Variants in ST8SIA5 observed in about 807,000 individuals in gnomAD.
ST8SIA5 encodes the protein ST8 alpha-N-acetyl-neuraminide alpha-2,8-sialyltransferase 5.
In ST8SIA5, 24 loss-of-function variants were observed where a neutral mutation model predicts 40.2. The ratio of observed to expected loss-of-function variants is 0.60; its 90% CI spans 0.43 to 0.84. The LOEUF (loss-of-function observed/expected upper bound fraction) is 0.84, where lower values mean the gene tolerates loss of function less well. ST8SIA5 is among the 40% of genes least tolerant of loss of function. The pLI, the probability that ST8SIA5 is intolerant of heterozygous loss-of-function variation, is 0.00. For synonymous variants in ST8SIA5, 198 were observed against 201.8 expected, an observed-to-expected ratio of 0.98 and a Z score of 0.16; for missense variants, 465 against 498.5, an observed-to-expected ratio of 0.93 and a Z score of 0.64.
chr18:46,717,882 T>C (rs1219710750), intron 1 of ST8SIA5, among the ~76,000 whole-genome samples: 1 of 152,044 alleles, frequency 6.6e-6, no homozygotes, highest in African/African-American at 2.4e-5. Flanking sequence ...ACCTACTACA[T>C]AACAGGTGCC....
At chr18:46,751,673 G>A (rs1224291753) in intron 1 of ST8SIA5, among the ~76,000 whole-genome samples, 1 of 152,154 alleles carries the variant, frequency 6.6e-6, no homozygotes, top group African/African-American at 2.4e-5. Context: ...GGGATTACAG[G>A]TATGAGCCAC....
At chr18:46,710,371 C>CT (rs1402563544) in intron 1 of ST8SIA5, among the ~76,000 whole-genome samples, 8 of 37,654 alleles carry the variant, frequency 2.1e-4, no homozygotes, top group Non-Finnish European at 3.8e-4. Flanking sequence ...TCTTTTCTTT[C>CT]TTTCTTTCTT....
At chr18:46,735,281 T>C (rs1233219913) in intron 1 of ST8SIA5, among the ~76,000 whole-genome samples, 5 of 152,224 alleles carry the variant, frequency 3.3e-5, no homozygotes, top group Admixed American at 6.5e-5. Context: ...TGGCCTATTG[T>C]GGGACTTCGC....
At chr18:46,724,267 C>T (rs1449545784) in intron 1 of ST8SIA5, among the ~76,000 whole-genome samples, 2 of 152,264 alleles carry the variant, frequency 1.3e-5, no homozygotes, top group East Asian at 1.9e-4. Flanking sequence ...GCTGAGGAGG[C>T]CCCTTGGGGC....
Position 46,682,050 on chromosome 18 carries a change from G to C in ST8SIA5, c.584C>G (p.Pro195Arg), listed in dbSNP as rs2039402371. Residue 195 changes from proline (P) to arginine (R), a missense_variant, in exon 6 of 7, where the codon CCC becomes CGC. By Grantham distance (103) the Pro-to-Arg change is moderately radical (BLOSUM62 -2). Coordinates refer to ENST00000315087, the MANE Select transcript of ST8SIA5 (RefSeq NM_013305.6). ...ADFVFRCNLP[P>R]ISEKYTMDVG... ...ATCCATGGTGTACTTCTCTGAGATG[G>C]GGGGCAGGTTGCACCTGCAGAAGAG... is the stretch of plus-strand genomic sequence containing the variant. 1 of 1,608,734 alleles carries C rather than the reference G, an allele frequency of 6.2e-7. No homozygotes were observed. The highest frequency in any genetic ancestry group is 1.3e-5 in the African/African-American group (1 of 74,714).
rs144258365 is a variant in ST8SIA5, at chr18:46,743,712, G to C, written c.131+12666C>G. On this transcript the variant is annotated intron_variant, in intron 1 of 6. Coordinates refer to ENST00000315087, the MANE Select transcript of ST8SIA5 (RefSeq NM_013305.6). ...AAACTTCAAATTCAGGAAATACAGA[G>C]AACACCAAAAAGATACTCCTTGAGA... 6.0e-3 allele frequency among the ~76,000 whole-genome samples: 900 copies of C among 149,060 alleles called. 5 individuals are homozygous for C. Among genetic ancestry groups the C allele is most frequent in the Middle Eastern group, 0.018 (5 of 284 alleles).
In ST8SIA5 at chr18:46,678,161, C is replaced by T. The variant is rs994264465; in HGVS notation, c.*1881G>A. 1 of 152,230 alleles carries T rather than the reference C, an allele frequency of 6.6e-6. No homozygotes were observed. The highest frequency in any genetic ancestry group is 6.5e-5 in the Admixed American group (1 of 15,270). The allele number at this position is 152,230 out of a possible 1,614,324, so 9.4% of individuals were successfully genotyped here. The stretch of plus-strand genomic sequence containing the variant: ...GCAGGTGTTTGGGATCATTTCATCC[C>T]CTTGGCTACTCCCCTACATTCCTGA... On this transcript the variant is annotated 3_prime_UTR_variant, in exon 7 of 7. Coordinates refer to ENST00000315087, the MANE Select transcript of ST8SIA5 (RefSeq NM_013305.6).
chr18:46,756,363 A>G lies in ST8SIA5; in HGVS notation c.131+15T>C. The G allele has an allele frequency of 6.2e-7, 1 of 1,610,254 alleles. No homozygotes were observed. The highest frequency in any genetic ancestry group is 1.1e-5 in the South Asian group (1 of 90,794). On this transcript the variant is annotated intron_variant, in intron 1 of 6. Transcript: ENST00000315087. ...CCGGCTCCGCGCATCCCGCCCTCTC[A>G]ATGGACTTTCTTACCTCTTAATGTA... is the stretch of plus-strand genomic sequence containing the variant.
intron 1 of ST8SIA5, among the ~76,000 whole-genome samples, chr18:46,728,021 C>A (rs932064501): frequency 1.3e-5 from 2 of 151,866 alleles, no homozygotes; most frequent in Non-Finnish European, 2.9e-5. Context: ...ATGGTGAAAC[C>A]CCATCTCTAC....
In ST8SIA5 at chr18:46,756,711, G is replaced by A. The variant is rs1036731182; in HGVS notation, c.-203C>T. On this transcript the variant is annotated 5_prime_UTR_variant, in exon 1 of 7. Coordinates refer to ENST00000315087, the MANE Select transcript of ST8SIA5 (RefSeq NM_013305.6). ...GTCGCAGGCGCTGGGGCGGCAAGCA[G>A]GACAGGGCCGGTGGCAGGGAGCTCT... 3.5e-6 allele frequency: 2 copies of A among 565,308 alleles called. No homozygotes were observed. The highest frequency in any genetic ancestry group is 2.5e-5 in the South Asian group (1 of 40,592). 35.0% of individuals were successfully genotyped at this position (565,308 alleles called of 1,614,324 possible).
At chr18:46,717,635 C>G (rs2039806140) in intron 1 of ST8SIA5, among the ~76,000 whole-genome samples, 1 of 152,146 alleles carries the variant, frequency 6.6e-6, no homozygotes, top group South Asian at 2.1e-4. Flanking sequence ...CAGCTCTTTT[C>G]AAGAGCGAAT....
At chr18:46,715,665 G>A (rs1459623837) in intron 1 of ST8SIA5, among the ~76,000 whole-genome samples, 3 of 151,722 alleles carry the variant, frequency 2.0e-5, no homozygotes, top group African/African-American at 4.8e-5. Flanking sequence ...CTGCAGCCTC[G>A]AACTTCTGGG....
intron 1 of ST8SIA5, chr18:46,721,327 TC>T: frequency 6.5e-7 from 1 of 1,529,032 alleles, no homozygotes. Flanking sequence ...GGGTTGAGCT[TC>T]CCCCACTCCC....
intron 1 of ST8SIA5, chr18:46,721,350 C>G (rs115360816): frequency 3.9e-6 from 6 of 1,535,774 alleles, no homozygotes; most frequent in Non-Finnish European, 5.2e-6. Context: ...GGCCTTTTGC[C>G]GGGGTCTGTA....
chr18:46,696,318 C>T lies in ST8SIA5; in HGVS notation c.225-4063G>A, dbSNP rs139686813. 2.1e-4 allele frequency among the ~76,000 whole-genome samples: 32 copies of T among 152,270 alleles called. No homozygotes were observed. The South Asian group carries it at 2.5e-3, about 12-fold the overall frequency. On this transcript the variant is annotated intron_variant, in intron 2 of 6. Transcript: ENST00000315087. ...CCTGGCTCACCCACTGCCCCCTGCC[C>T]CTTCCCACTCTCTGCAATCCACAGG...
At chr18:46,722,527 C>G (rs1029153710) in intron 1 of ST8SIA5, among the ~76,000 whole-genome samples, 1 of 152,230 alleles carries the variant, frequency 6.6e-6, no homozygotes, top group Admixed American at 6.5e-5. Flanking sequence ...GGAAACTGAT[C>G]CGCTCAAAAG....
At chr18:46,709,967 C>T (rs1174432813) in intron 1 of ST8SIA5, among the ~76,000 whole-genome samples, 1 of 152,184 alleles carries the variant, frequency 6.6e-6, no homozygotes, top group Non-Finnish European at 1.5e-5. Flanking sequence ...CTTTCTCCAA[C>T]CTTCTTAAAC....
intron 1 of ST8SIA5, among the ~76,000 whole-genome samples, chr18:46,726,926 C>G (rs2039937529): frequency 1.3e-5 from 2 of 152,084 alleles, no homozygotes. Context: ...AACAAACAAA[C>G]AAACAACAAC....
At chr18:46,691,278 C>T (rs1291946359) in intron 3 of ST8SIA5, among the ~76,000 whole-genome samples, 1 of 152,196 alleles carries the variant, frequency 6.6e-6, no homozygotes, top group African/African-American at 2.4e-5. Context: ...AAAAATGTGC[C>T]TCTTAAAACT....
Sources: gnomAD v4.1 joint callset for allele counts (sites outside exome capture counted in the v4.1 genomes callset) on GRCh38, gnomAD v4.1.1 for gene constraint, MANE v1.5 for transcripts, NCBI Gene and HGNC (gene_info 2026-07-23, HGNC 2026-07-21) for gene names.